The following SLC1A3 variants were observed in gnomAD, a reference collection of about 807,000 sequenced individuals.
The protein encoded by SLC1A3 is solute carrier family 1 member 3, also known as excitatory amino acid transporter 1.
SLC1A3 carries 21 observed loss-of-function variants against 48.1 expected under a neutral mutation model. The observed-to-expected ratio is 0.44, with a 90% confidence interval of 0.31 to 0.63. The LOEUF (loss-of-function observed/expected upper bound fraction) is 0.63, where lower values mean the gene tolerates loss of function less well. SLC1A3 is among the 20% of genes least tolerant of loss of function. The pLI, the probability that SLC1A3 is intolerant of heterozygous loss-of-function variation, is 0.08. For missense variants in SLC1A3, 546 were observed against 689.0 expected, an observed-to-expected ratio of 0.79 and a Z score of 2.32; for synonymous variants, 239 against 251.4, an observed-to-expected ratio of 0.95 and a Z score of 0.47.
intron 3 of SLC1A3, among the ~76,000 whole-genome samples, chr5:36,646,096 C>A (rs1362468834): frequency 1.3e-5 from 2 of 152,240 alleles, no homozygotes; most frequent in African/African-American, 4.8e-5. Context: ...GGGTAACCCA[C>A]TGAATACTCT....
At chr5:36,684,150 G>T in intron 9 of SLC1A3, 152 bp downstream of exon 9, 1 of 1,017,912 alleles carries the variant, frequency 9.8e-7, no homozygotes, top group Non-Finnish European at 1.5e-6. Context: ...TCTGACCCCT[G>T]GTCCTTATCT....
chr5:36,672,281 A>G (rs1742028404), intron 4 of SLC1A3, among the ~76,000 whole-genome samples: 1 of 152,206 alleles, frequency 6.6e-6, no homozygotes, highest in Middle Eastern at 3.2e-3. Context: ...TAATAGGAGT[A>G]GGAAGCCAGA....
chr5:36,654,532 A>G (rs1435104811), intron 3 of SLC1A3, among the ~76,000 whole-genome samples: 1 of 151,990 alleles, frequency 6.6e-6, no homozygotes, highest in Admixed American at 6.5e-5. Context: ...AGGGGCACAG[A>G]CTCCATAAGA....
chr5:36,683,802 G>A lies in SLC1A3; in HGVS notation c.1290-62G>A, dbSNP rs559589691. 476 of 1,595,824 alleles carry A rather than the reference G, an allele frequency of 3.0e-4. 1 individual carries two copies. Among genetic ancestry groups the A allele is most frequent in the Middle Eastern group, 6.7e-4 (4 of 5,980 alleles). On this transcript the variant is annotated intron_variant, in intron 8 of 9. Transcript: ENST00000265113. Reference sequence around the variant, plus strand: ...ATCGGCACCGTGCGTATTTTGCAGCGTATATGCTCTACGTGGGGAGCTTTG... The same window carrying A: ...ATCGGCACCGTGCGTATTTTGCAGCATATATGCTCTACGTGGGGAGCTTTG...
intron 3 of SLC1A3, among the ~76,000 whole-genome samples, chr5:36,644,009 CTCAAAAAA>C (rs1440262574): frequency 2.4e-5 from 3 of 123,624 alleles, no homozygotes; most frequent in South Asian, 2.9e-4. Context: ...AAGACTCCGT[CTCAAAAAA>C]TAAATAAATA....
At chr5:36,616,378 T>A (rs924095906) in intron 2 of SLC1A3, among the ~76,000 whole-genome samples, 2 of 152,206 alleles carry the variant, frequency 1.3e-5, no homozygotes, top group African/African-American at 4.8e-5. Flanking sequence ...ATACCCTGGA[T>A]AAGTTAAGGG....
intron 3 of SLC1A3, among the ~76,000 whole-genome samples, chr5:36,657,099 A>T (rs377344111): frequency 2.0e-5 from 3 of 152,220 alleles, no homozygotes; most frequent in African/African-American, 7.2e-5. Context: ...TGCCCAAATG[A>T]TATGACATTC....
intron 3 of SLC1A3, among the ~76,000 whole-genome samples, chr5:36,635,746 C>T (rs1740316821): frequency 1.3e-5 from 2 of 152,154 alleles, no homozygotes; most frequent in African/African-American, 2.4e-5. Context: ...ATGTTGTGAG[C>T]GGAGATTTTC....
intron 7 of SLC1A3, among the ~76,000 whole-genome samples, 169 bp downstream of exon 7, chr5:36,680,029 C>T (rs887706888): frequency 3.9e-5 from 6 of 152,218 alleles, no homozygotes; most frequent in Non-Finnish European, 8.8e-5. Flanking sequence ...CAGGAAATGC[C>T]TGGCTACATA....
chr5:36,680,259 T>G (rs1580046161), intron 7 of SLC1A3, 136 bp from the exon 8 acceptor site: 1 of 770,512 alleles, frequency 1.3e-6, no homozygotes, highest in Non-Finnish European at 2.2e-6. Context: ...GCTCCCCTAT[T>G]TATACAATTG....
intron 3 of SLC1A3, among the ~76,000 whole-genome samples, chr5:36,654,726 A>G (rs1241578119): frequency 6.6e-6 from 1 of 151,972 alleles, no homozygotes; most frequent in Non-Finnish European, 1.5e-5. Context: ...CAGGGCTGCT[A>G]TTGTCTAGCT....
At chr5:36,626,022 T>A (rs1739889659) in intron 2 of SLC1A3, among the ~76,000 whole-genome samples, 1 of 152,232 alleles carries the variant, frequency 6.6e-6, no homozygotes, top group South Asian at 2.1e-4. Context: ...AGAGACTGTG[T>A]CATTCACACA....
chr5:36,647,624 C>T (rs972027346), intron 3 of SLC1A3, among the ~76,000 whole-genome samples: 6 of 152,150 alleles, frequency 3.9e-5, no homozygotes, highest in Non-Finnish European at 8.8e-5. Flanking sequence ...ACCTATCAGT[C>T]TTCTCACAAC....
chr5:36,664,384 C>T (rs1464408201), intron 3 of SLC1A3, among the ~76,000 whole-genome samples: 1 of 152,104 alleles, frequency 6.6e-6, no homozygotes, highest in Non-Finnish European at 1.5e-5. Flanking sequence ...CCACCCTCCT[C>T]GGCCTCCCAA....
At chr5:36,656,851 C>G (rs3903407) in intron 3 of SLC1A3, among the ~76,000 whole-genome samples, 110,661 of 152,100 alleles carry the variant, frequency 0.73, 43,258 homozygotes, top group Non-Finnish European at 0.86. Context: ...TACTATACTT[C>G]AAGGGCTGTG....
At chr5:36,601,663 G>A (rs1738809591), upstream of SLC1A3, among the ~76,000 whole-genome samples, 1 of 152,136 alleles carries the variant, frequency 6.6e-6, no homozygotes, top group South Asian at 2.1e-4. Flanking sequence ...CCTCACCCAG[G>A]GAGCTACCTG....
chr5:36,634,692 G>C (rs1740266872), intron 3 of SLC1A3, among the ~76,000 whole-genome samples: 1 of 151,886 alleles, frequency 6.6e-6, no homozygotes, highest in Non-Finnish European at 1.5e-5. Flanking sequence ...CTGCCTCTCT[G>C]GTCCTCTCCT....
intron 2 of SLC1A3, among the ~76,000 whole-genome samples, chr5:36,615,770 T>C (rs1276525118): frequency 6.6e-6 from 1 of 152,248 alleles, no homozygotes; most frequent in East Asian, 1.9e-4. Context: ...TTGATATTTA[T>C]GGAACACTAG....
At chr5:36,670,800 A>G (rs771109328) in intron 3 of SLC1A3, 6 of 580,790 alleles carry the variant, frequency 1.0e-5, no homozygotes, top group Non-Finnish European at 1.9e-5. Context: ...CTTGGGGCAG[A>G]AAATGAGTGA....
Sources: allele counts gnomAD v4.1 joint callset (sites outside exome capture counted in the v4.1 genomes callset), GRCh38; gene constraint gnomAD v4.1.1; transcripts MANE v1.5; gene names NCBI Gene and HGNC (gene_info 2026-07-23, HGNC 2026-07-21).